The following SDK1 variants were observed in gnomAD, a reference collection of about 807,000 sequenced individuals.
The protein encoded by SDK1 is protein sidekick-1.
Under a neutral mutation model 245.5 loss-of-function variants are expected in SDK1, and 157 were observed. The observed-to-expected ratio is 0.64, with a 90% CI of 0.56 to 0.73. The LOEUF is 0.73. SDK1 is among the 30% of genes least tolerant of loss of function. The pLI is 0.00. For missense variants in SDK1, 3,583 were observed against 3,002.3 expected (o/e 1.19, Z -4.52); for synonymous variants, 1,647 against 1,278.5 (o/e 1.29, Z -6.15).
rs200459788 is a variant in SDK1, at chr7:4,205,861, G to A, written c.5099-18G>A. 1.8e-3 allele frequency: 2,822 copies of A among 1,542,176 alleles called. 6 individuals are homozygous for A. The highest frequency in any genetic ancestry group is 2.3e-3 in the Non-Finnish European group (2,650 of 1,138,746). The stretch of plus-strand genomic sequence containing the variant: ...TGAATGAACGTCTCAGCTTCTCTCC[G>A]CATTGCTCTTTCCTCAGCCCCGGCC... On this transcript the variant is annotated intron_variant, in intron 35 of 44. Coordinates refer to ENST00000404826, the MANE Select transcript of SDK1 (RefSeq NM_152744.4).
intron 9 of SDK1, among the ~76,000 whole-genome samples, chr7:3,963,958 C>T (rs564758760): frequency 1.6e-4 from 25 of 151,878 alleles, no homozygotes; most frequent in African/African-American, 6.0e-4. Flanking sequence ...GACGGCTACC[C>T]AGATGTATCC....
At chr7:3,856,004 C>T (rs1780536105) in intron 5 of SDK1, among the ~76,000 whole-genome samples, 1 of 152,162 alleles carries the variant, frequency 6.6e-6, no homozygotes. Flanking sequence ...CTGAAACTTA[C>T]TGTTAAATCT....
chr7:3,853,001 C>T (rs1477126704), intron 5 of SDK1, among the ~76,000 whole-genome samples: 1 of 152,032 alleles, frequency 6.6e-6, no homozygotes, highest in Non-Finnish European at 1.5e-5. Flanking sequence ...GAGCATTTGT[C>T]ATTTGGATGA....
intron 4 of SDK1, among the ~76,000 whole-genome samples, chr7:3,726,185 G>A (rs1051347578): frequency 1.1e-4 from 16 of 152,268 alleles, no homozygotes; most frequent in East Asian, 3.9e-4. Context: ...GATAAGTAGC[G>A]GAACCCAATT....
intron 19 of SDK1, among the ~76,000 whole-genome samples, chr7:4,058,763 C>T (rs1779356984): frequency 6.6e-6 from 1 of 152,144 alleles, no homozygotes; most frequent in Non-Finnish European, 1.5e-5. Context: ...TTACCCTTCA[C>T]AAATGAAAGA....
At chr7:3,716,108 G>C (rs1296155407) in intron 4 of SDK1, among the ~76,000 whole-genome samples, 2 of 142,712 alleles carry the variant, frequency 1.4e-5, no homozygotes, top group East Asian at 2.0e-4. Context: ...CAATGAAAAA[G>C]GTAGACAAAA....
At chr7:3,489,041 T>C (rs551286993) in intron 1 of SDK1, among the ~76,000 whole-genome samples, 1 of 152,214 alleles carries the variant, frequency 6.6e-6, no homozygotes, top group South Asian at 2.1e-4. Flanking sequence ...CCAGGGGTAG[T>C]AGAGTGCAAT....
At chr7:4,056,714 G>A (rs1199806136) in intron 19 of SDK1, among the ~76,000 whole-genome samples, 1 of 152,106 alleles carries the variant, frequency 6.6e-6, no homozygotes, top group African/African-American at 2.4e-5. Context: ...GCTCCAGAGA[G>A]GGAGCCCACG....
At chr7:3,854,058 T>G (rs1372767825) in intron 5 of SDK1, among the ~76,000 whole-genome samples, 2 of 152,178 alleles carry the variant, frequency 1.3e-5, no homozygotes, top group African/African-American at 4.8e-5. Context: ...ACCTGTATTT[T>G]TTTAAAATGC....
chr7:3,588,945 G>T (rs758776534), intron 1 of SDK1, among the ~76,000 whole-genome samples: 1 of 152,168 alleles, frequency 6.6e-6, no homozygotes, highest in Non-Finnish European at 1.5e-5. Flanking sequence ...TACTACAAAA[G>T]AAGCTGCTTT....
At chr7:3,524,700 C>T (rs1311400790) in intron 1 of SDK1, among the ~76,000 whole-genome samples, 1 of 152,122 alleles carries the variant, frequency 6.6e-6, no homozygotes, top group Non-Finnish European at 1.5e-5. Flanking sequence ...GTTAGGAGCT[C>T]ACCTTTAGAC....
intron 4 of SDK1, among the ~76,000 whole-genome samples, chr7:3,741,037 C>A (rs1333122634): frequency 1.3e-5 from 2 of 152,256 alleles, no homozygotes; most frequent in East Asian, 3.9e-4. Flanking sequence ...CTGTTGCCTC[C>A]CTCTGGAGCC....
rs150257068 is a variant in SDK1, at chr7:3,784,712, A to G, written c.714-36738A>G. 1.8e-3 allele frequency among the ~76,000 whole-genome samples: 268 copies of G among 152,306 alleles called. 1 individual carries two copies. The highest frequency in any genetic ancestry group is 6.3e-3 in the African/African-American group (261 of 41,562). On this transcript the variant is annotated intron_variant, in intron 4 of 44. Coordinates refer to ENST00000404826, the MANE Select transcript of SDK1 (RefSeq NM_152744.4). ...GCTGTTTTCAAAAAGACAATATAAC[A>G]TGTGTTGGCCAGGATGTGAAGGAAA...
intron 1 of SDK1, among the ~76,000 whole-genome samples, chr7:3,482,622 C>G (rs1481206887): frequency 1.3e-5 from 2 of 152,180 alleles, no homozygotes; most frequent in Admixed American, 6.5e-5. Flanking sequence ...CAGGTCTTCC[C>G]TGCACATTCC....
intron 2 of SDK1, among the ~76,000 whole-genome samples, chr7:3,638,454 A>G (rs10224716): frequency 1 from 149,867 of 150,112 alleles, 74,811 homozygotes; most frequent in Middle Eastern, 1. Context: ...CTATGCAGCC[A>G]TAAAAAATGA....
intron 1 of SDK1, among the ~76,000 whole-genome samples, chr7:3,467,096 C>T (rs1781031061): frequency 1.3e-5 from 2 of 149,818 alleles, no homozygotes; most frequent in Admixed American, 6.7e-5. Context: ...AGTCATTATA[C>T]CTGGTTGGTT....
At chr7:3,933,553 G>A (rs556921686) in intron 5 of SDK1, among the ~76,000 whole-genome samples, 2 of 152,248 alleles carry the variant, frequency 1.3e-5, no homozygotes, top group Non-Finnish European at 2.9e-5. Context: ...CTTGATGTTG[G>A]TTAGGATAGA....
At chr7:4,049,983 T>A (rs1053390277) in intron 18 of SDK1, among the ~76,000 whole-genome samples, 1 of 152,178 alleles carries the variant, frequency 6.6e-6, no homozygotes, top group Non-Finnish European at 1.5e-5. Flanking sequence ...TCCGACTTCT[T>A]GTGTCTTTAG....
Position 4,011,007 on chromosome 7 carries a change from A to G in SDK1, c.2173A>G (p.Met725Val), listed in dbSNP as rs1583820783. The stretch of plus-strand genomic sequence containing the variant: ...GCATCTGTCAAACGTTGGCCCTGAG[A>G]TGACAGGCGTCACCGTGAGTGGCCT... ...KVHLSNVGPE[M>V]TGVTVSGLTP... The change falls in exon 15 of 45, where the codon ATG becomes GTG. Residue 725 changes from methionine (M) to valine (V), a missense_variant. By Grantham distance (21) the Met-to-Val change is conservative (BLOSUM62 1). Transcript: ENST00000404826. The G allele has an allele frequency of 6.2e-7, 1 of 1,614,176 alleles. No homozygotes were observed. The highest frequency in any genetic ancestry group is 8.5e-7 in the Non-Finnish European group (1 of 1,180,028).
Sources: gnomAD v4.1 joint callset for allele counts (sites outside exome capture counted in the v4.1 genomes callset) on GRCh38, gnomAD v4.1.1 for gene constraint, MANE v1.5 for transcripts, NCBI Gene and HGNC (gene_info 2026-07-23, HGNC 2026-07-21) for gene names.